The following SLC5A4 variants were observed in gnomAD, a reference collection of about 807,000 sequenced individuals.
SLC5A4 encodes the protein probable glucose sensor protein SLC5A4.
In SLC5A4, 55 loss-of-function variants were observed where a neutral mutation model predicts 70.3. That is an observed-to-expected ratio of 0.78 (90% CI 0.63 to 0.98). The LOEUF (loss-of-function observed/expected upper bound fraction) is 0.98, where lower values mean the gene tolerates loss of function less well. SLC5A4 is among the 50% of genes least tolerant of loss of function. The probability of loss-of-function intolerance (pLI) is 0.00; values close to 1 mark genes in which losing one functional copy is unlikely to be tolerated. For synonymous variants in SLC5A4, 268 were observed against 305.7 expected (o/e 0.88, Z 1.29); for missense variants, 735 against 839.2 (o/e 0.88, Z 1.53).
chr22:32,223,111 A>C (rs536797535), intron 13 of SLC5A4, among the ~76,000 whole-genome samples: 1 of 152,254 alleles, frequency 6.6e-6, no homozygotes, highest in South Asian at 2.1e-4. Context: ...ATTTTTTTCC[A>C]AAGTGAATAA....
rs1274579730 is a variant in SLC5A4 at position 32,235,112 on chromosome 22, A to G, written c.665-19T>C. On this transcript the variant is annotated intron_variant, in intron 7 of 14. Transcript: ENST00000266086. ...TTAAATGCTAAAAAGGCATCAGAGT[A>G]AAATGAGATGTCTTACTGAAATCTA... is the stretch of plus-strand genomic sequence containing the variant. The G allele has an allele frequency of 6.4e-7, 1 of 1,552,590 alleles. No individual in the cohort carries two copies. The highest frequency in any genetic ancestry group is 1.7e-5 in the Admixed American group (1 of 59,410).
the SLC5A4 span, among the ~76,000 whole-genome samples, chr22:32,341,596 G>A: frequency 6.6e-6 from 1 of 152,210 alleles, no homozygotes; most frequent in South Asian, 2.1e-4. Context: ...GCCGTGAACA[G>A]CGGGGAAGGC....
intron 13 of SLC5A4, among the ~76,000 whole-genome samples, 193 bp downstream of exon 13, chr22:32,224,074 C>T (rs187971970): frequency 1.2e-3 from 179 of 152,246 alleles, no homozygotes; most frequent in African/African-American, 4.0e-3. Context: ...GTGCCCACCA[C>T]CACACCCAGC....
chr22:32,237,280 T>C lies in SLC5A4; in HGVS notation c.628A>G (p.Ile210Val). ...AGAATAAAAGAGCCAATCAGCATGA[T>C]GATGGTCTGGAGGGTGTCTGTGTAA... ...VIYTDTLQTI[I>V]MLIGSFILMG... is the part of the protein sequence containing the mutation. Residue 210 changes from isoleucine to valine, a missense_variant, in exon 7 of 15, where the codon ATC (isoleucine) becomes GTC (valine). Transcript: ENST00000266086. The C allele has an allele frequency of 6.2e-7, 1 of 1,610,244 alleles. No individual in the cohort carries two copies. The highest frequency in any genetic ancestry group is 8.5e-7 in the Non-Finnish European group (1 of 1,178,068).
the SLC5A4 span, among the ~76,000 whole-genome samples, chr22:32,277,783 C>T: frequency 2.0e-5 from 3 of 152,320 alleles, no homozygotes; most frequent in African/African-American, 7.2e-5. Flanking sequence ...CTCCTGACCT[C>T]ATCATCTGCC....
the SLC5A4 span, among the ~76,000 whole-genome samples, chr22:32,327,809 T>G: frequency 1.3e-5 from 2 of 152,156 alleles, no homozygotes; most frequent in Non-Finnish European, 2.9e-5. Context: ...CGGACACAGA[T>G]GCAGCAAGGT....
At chr22:32,270,411 G>A in the SLC5A4 span, 1 of 1,460,880 alleles carries the variant, frequency 6.8e-7, no homozygotes, top group Non-Finnish European at 9.5e-7. Context: ...GCTACGACAT[G>A]TGGACAGTCA....
chr22:32,333,523 G>A, the SLC5A4 span, among the ~76,000 whole-genome samples: 1 of 152,090 alleles, frequency 6.6e-6, no homozygotes, highest in African/African-American at 2.4e-5. Flanking sequence ...TGAAATGAAT[G>A]TGTCCTTTAC....
At chr22:32,302,658 C>G in the SLC5A4 span, among the ~76,000 whole-genome samples, 1 of 152,166 alleles carries the variant, frequency 6.6e-6, no homozygotes, top group African/African-American at 2.4e-5. Flanking sequence ...TTTAAGTTCT[C>G]TGTTCTGTTC....
intron 5 of SLC5A4, among the ~76,000 whole-genome samples, chr22:32,239,550 A>AT (rs1408522926): frequency 0.035 from 532 of 15,304 alleles, 43 homozygotes; most frequent in African/African-American, 0.21. Context: ...ATATATATAT[A>AT]TATATATATA....
Position 32,247,439 on chromosome 22 carries a change from A to C in SLC5A4, c.449T>G (p.Leu150Arg). 6.2e-7 allele frequency: 1 copy of C among 1,613,206 alleles called. No homozygotes were observed. The highest frequency in any genetic ancestry group is 8.5e-7 in the Non-Finnish European group (1 of 1,179,120). The change falls in exon 5 of 15, where the codon CTC (leucine) becomes CGC (arginine). Residue 150 changes from leucine to arginine, a missense_variant. Physicochemically the swap from Leu to Arg is moderately radical, Grantham distance 102. Transcript: ENST00000266086. ...RLQVYLSILS[L>R]FICVVLLISA... ...AATTAACAAAACCACACAGATGAAG[A>C]GGGAGAGGATGGAGAGGTAGACCTG...
At chr22:32,268,073 G>A in the SLC5A4 span, among the ~76,000 whole-genome samples, 8 of 152,076 alleles carry the variant, frequency 5.3e-5, no homozygotes, top group African/African-American at 1.2e-4. Flanking sequence ...GCAGTGAGCC[G>A]AGATGGCGCC....
the SLC5A4 span, chr22:32,271,378 G>C: frequency 1.3e-6 from 1 of 752,960 alleles, no homozygotes; most frequent in Admixed American, 1.9e-5. Context: ...AGCCGCCAGA[G>C]CACACCTTAC....
the SLC5A4 span, among the ~76,000 whole-genome samples, chr22:32,351,905 G>A: frequency 2.0e-5 from 3 of 151,698 alleles, no homozygotes; most frequent in Non-Finnish European, 4.4e-5. Flanking sequence ...AGCAGCATAA[G>A]AAAATGAACA....
intron 7 of SLC5A4, 143 bp from the exon 8 acceptor site, chr22:32,235,236 T>A: frequency 1.6e-6 from 1 of 623,224 alleles, no homozygotes. Flanking sequence ...CAGGTCCATG[T>A]CTTTCTGGTA....
the SLC5A4 span, among the ~76,000 whole-genome samples, chr22:32,338,844 T>A: frequency 1.3e-5 from 2 of 152,302 alleles, no homozygotes. Flanking sequence ...GCCTGGCATC[T>A]ATCCAGAGGA....
At chr22:32,331,087 GGT>G in the SLC5A4 span, among the ~76,000 whole-genome samples, 3 of 117,122 alleles carry the variant, frequency 2.6e-5, no homozygotes, top group East Asian at 2.6e-4. Flanking sequence ...TGAAGGCTCT[GGT>G]GTGTGTGTGT....
chr22:32,325,986 G>A, the SLC5A4 span, among the ~76,000 whole-genome samples: 17 of 152,372 alleles, frequency 1.1e-4, no homozygotes, highest in East Asian at 2.1e-3. Flanking sequence ...CAGGGCCCAC[G>A]GGGTGAGGAG....
chr22:32,272,529 G>A, the SLC5A4 span: 1 of 671,016 alleles, frequency 1.5e-6, no homozygotes, highest in Non-Finnish European at 2.7e-6. Flanking sequence ...AAGACGCTGA[G>A]CCTCGTCATG....
Sources: gnomAD v4.1 joint callset for allele counts (sites outside exome capture counted in the v4.1 genomes callset) on GRCh38, gnomAD v4.1.1 for gene constraint, MANE v1.5 for transcripts, NCBI Gene and HGNC (gene_info 2026-07-23, HGNC 2026-07-21) for gene names.